KIAA1549: variants seen among roughly 807,000 people sequenced by gnomAD.
The protein encoded by KIAA1549 is UPF0606 protein KIAA1549.
In KIAA1549, 70 loss-of-function variants were observed where a neutral mutation model predicts 156.4. The observed-to-expected ratio is 0.45, with a 90% CI of 0.37 to 0.55. The LOEUF (loss-of-function observed/expected upper bound fraction) is 0.55. Among genes scored for constraint, KIAA1549 ranks in the 20% least tolerant of loss-of-function variants. KIAA1549 has a pLI of 0.00. For synonymous variants in KIAA1549, 1,103 were observed against 1,066.4 expected (o/e 1.03, Z -0.67); for missense variants, 2,428 against 2,540.9 (o/e 0.96, Z 0.96).
chr7:138,917,079 C>T lies in KIAA1549; in HGVS notation c.2547G>A (p.Ser849=), dbSNP rs536430013. The change falls in exon 2 of 20, where the codon TCG becomes TCA. Residue 849 remains serine, a synonymous_variant. Transcript: ENST00000422774. ...GGAAGGGGGTTGCTTCAGAAACAAA[C>T]GAGGATCCTGATGGCAGGTACGCGT... ...ITDAYLPSGS[S]FVSEATPFPL... The T allele has an allele frequency of 3.1e-6, 5 of 1,608,510 alleles. No homozygotes were observed. Among genetic ancestry groups the T allele is most frequent in the East Asian group, 4.5e-5 (2 of 44,846 alleles).
chr7:138,841,488 T>A (rs930313141), intron 18 of KIAA1549, among the ~76,000 whole-genome samples: 1 of 152,106 alleles, frequency 6.6e-6, no homozygotes, highest in African/African-American at 2.4e-5. Context: ...ACAATGTTTT[T>A]CTCCCTCACC....
intron 1 of KIAA1549, among the ~76,000 whole-genome samples, chr7:138,936,492 C>T (rs1281936728): frequency 1.3e-5 from 2 of 152,216 alleles, no homozygotes; most frequent in African/African-American, 4.8e-5. Flanking sequence ...TTCCAGGACA[C>T]TGAAGTGCAG....
chr7:138,834,779 T>G lies in KIAA1549; in HGVS notation c.*3127A>C. Reference sequence around the variant, plus strand: ...CATCACTCATCCTAGGGCGTCCACATAGACAGCATGCTACATTTTCACAGT... The same window carrying G: ...CATCACTCATCCTAGGGCGTCCACAGAGACAGCATGCTACATTTTCACAGT... On this transcript the variant is annotated 3_prime_UTR_variant, in exon 20 of 20. Coordinates refer to ENST00000422774, the MANE Select transcript of KIAA1549 (RefSeq NM_001164665.2). 1 of 232,446 alleles carries G rather than the reference T, an allele frequency of 4.3e-6. No homozygotes were observed. 14.4% of individuals were successfully genotyped at this position (232,446 alleles called of 1,614,324 possible).
intron 16 of KIAA1549, among the ~76,000 whole-genome samples, chr7:138,856,365 G>A (rs752542868): frequency 2.6e-5 from 4 of 151,954 alleles, no homozygotes; most frequent in Non-Finnish European, 2.9e-5. Context: ...CCCCTTTTGT[G>A]AATTGTCAGA....
intron 1 of KIAA1549, among the ~76,000 whole-genome samples, chr7:138,978,378 T>C (rs1018554770): frequency 7.9e-5 from 12 of 152,350 alleles, no homozygotes; most frequent in African/African-American, 2.9e-4. Context: ...TTTGTTTTTA[T>C]ACTGTGGATG....
intron 1 of KIAA1549, among the ~76,000 whole-genome samples, chr7:138,940,373 C>G (rs1207282721): frequency 6.6e-6 from 1 of 151,276 alleles, no homozygotes; most frequent in East Asian, 1.9e-4. Context: ...CATAGTATTC[C>G]ATGGTGTATA....
intron 5 of KIAA1549, 72 bp from the exon 6 acceptor site, chr7:138,907,174 T>C: frequency 8.0e-7 from 1 of 1,249,150 alleles, no homozygotes; most frequent in Non-Finnish European, 1.1e-6. Flanking sequence ...GATTTCTCTC[T>C]CACAGGTCCT....
intron 1 of KIAA1549, among the ~76,000 whole-genome samples, chr7:138,925,014 G>A (rs1175320634): frequency 6.6e-6 from 1 of 152,114 alleles, no homozygotes; most frequent in African/African-American, 2.4e-5. Flanking sequence ...AGTAGCCAGC[G>A]CTGAGGCCTT....
At chr7:138,948,426 G>A (rs1813397001) in intron 1 of KIAA1549, among the ~76,000 whole-genome samples, 1 of 152,150 alleles carries the variant, frequency 6.6e-6, no homozygotes, top group South Asian at 2.1e-4. Flanking sequence ...AGGCAGGAAA[G>A]AATCCTTCCT....
At chr7:138,864,390 T>C (rs937197206) in intron 15 of KIAA1549, among the ~76,000 whole-genome samples, 4 of 152,124 alleles carry the variant, frequency 2.6e-5, no homozygotes, top group Non-Finnish European at 5.9e-5. Flanking sequence ...CCCCCGTGAA[T>C]CCTGCCAGAA....
chr7:138,917,469 C>T lies in KIAA1549; in HGVS notation c.2157G>A (p.Trp719Ter), dbSNP rs1246476854. 4 of 1,613,876 alleles carry T rather than the reference C, an allele frequency of 2.5e-6. No individual in the cohort carries two copies. Among genetic ancestry groups the T allele is most frequent in the Non-Finnish European group, 3.4e-6 (4 of 1,179,866 alleles). Residue 719 changes from tryptophan to a stop codon, truncating the protein, a stop_gained, in exon 2 of 20, where the codon TGG becomes TGA. Coordinates refer to ENST00000422774, the MANE Select transcript of KIAA1549 (RefSeq NM_001164665.2). LOFTEE classifies it high-confidence loss of function. ...LLPSRSEVSP[W>*]SSFPSDSLEF... ...CGAGAGAATCAGAAGGGAAGCTTGA[C>T]CATGGTGACACCTCAGAACGGCTAG...
chr7:138,845,047 A>G (rs1239859799), intron 17 of KIAA1549, among the ~76,000 whole-genome samples: 1 of 152,074 alleles, frequency 6.6e-6, no homozygotes, highest in African/African-American at 2.4e-5. Context: ...ACTTTTTTTT[A>G]TCTCCAGACC....
rs1809636499 is a variant in KIAA1549, at chr7:138,834,238, C to A, written c.*3668G>T. 5.3e-6 allele frequency: 1 copy of A among 189,720 alleles called. No homozygotes were observed. Among genetic ancestry groups the A allele is most frequent in the Non-Finnish European group, 1.1e-5 (1 of 90,334 alleles). 11.8% of individuals were successfully genotyped at this position (189,720 alleles called of 1,614,324 possible). On this transcript the variant is annotated 3_prime_UTR_variant, in exon 20 of 20. Coordinates refer to ENST00000422774, the MANE Select transcript of KIAA1549 (RefSeq NM_001164665.2). ...ACAGTGGTGCAATCTCAGCTCACTG[C>A]AACCTCCACCCCCCGGGTTCAAGCA...
chr7:138,841,945 A>G (rs1277755557), intron 18 of KIAA1549, among the ~76,000 whole-genome samples: 1 of 152,130 alleles, frequency 6.6e-6, no homozygotes, highest in African/African-American at 2.4e-5. Context: ...TTTAATGATA[A>G]CTAAAAGTCA....
At chr7:138,893,162 C>G (rs190899731) in intron 10 of KIAA1549, among the ~76,000 whole-genome samples, 1 of 152,106 alleles carries the variant, frequency 6.6e-6, no homozygotes, top group Non-Finnish European at 1.5e-5. Context: ...TTGAAACATA[C>G]GTTGGAAAAG....
chr7:138,882,400 T>C (rs553208963), intron 10 of KIAA1549, among the ~76,000 whole-genome samples: 2 of 152,230 alleles, frequency 1.3e-5, no homozygotes, highest in African/African-American at 2.4e-5. Flanking sequence ...GCGAGTCATA[T>C]AGGAATGATG....
In KIAA1549 at chr7:138,898,947, G is replaced by A; in HGVS notation, c.3847+8C>T. 6.2e-7 allele frequency: 1 copy of A among 1,613,484 alleles called. No homozygotes were observed. Among genetic ancestry groups the A allele is most frequent in the Non-Finnish European group, 8.5e-7 (1 of 1,179,470 alleles). ...CACAGCACAGACGACAACACCTCAG[G>A]CACTTACGCTGGGCAATGACACCTT... is the stretch of plus-strand genomic sequence containing the variant. On this transcript the variant is annotated splice_region_variant and intron_variant, in intron 9 of 19. Transcript: ENST00000422774.
chr7:138,852,485 T>C (rs192247417), intron 16 of KIAA1549, among the ~76,000 whole-genome samples: 6 of 152,366 alleles, frequency 3.9e-5, no homozygotes, highest in Non-Finnish European at 8.8e-5. Flanking sequence ...ACACAACTCA[T>C]TTCTAGATCT....
intron 18 of KIAA1549, among the ~76,000 whole-genome samples, chr7:138,841,833 T>A (rs1253229873): frequency 1.3e-5 from 2 of 151,172 alleles, no homozygotes; most frequent in Non-Finnish European, 2.9e-5. Context: ...CCCAACATGA[T>A]GGGATTATAG....
Sources: gnomAD v4.1 joint callset for allele counts (sites outside exome capture counted in the v4.1 genomes callset) on GRCh38, gnomAD v4.1.1 for gene constraint, MANE v1.5 for transcripts, NCBI Gene and HGNC (gene_info 2026-07-23, HGNC 2026-07-21) for gene names.